Variants in WWOX observed in about 807,000 individuals in gnomAD.
The protein encoded by WWOX is WW domain-containing oxidoreductase.
WWOX carries 69 observed loss-of-function variants against 46.2 expected under a neutral mutation model. That is an observed-to-expected ratio of 1.49 (90% confidence interval 1.23 to 1.82). WWOX has a LOEUF of 1.82. Among genes scored for constraint, WWOX ranks in the 40% most tolerant of loss-of-function variants. The pLI, the probability that WWOX is intolerant of heterozygous loss-of-function variation, is 0.00. For missense variants in WWOX, 919 were observed against 542.6 expected, an observed-to-expected ratio of 1.69 and a Z score of -6.89; for synonymous variants, 359 against 202.6, an observed-to-expected ratio of 1.77 and a Z score of -6.56.
At chr16:78,384,508 C>A (rs922089138) in intron 5 of WWOX, among the ~76,000 whole-genome samples, 26 of 152,234 alleles carry the variant, frequency 1.7e-4, no homozygotes, top group African/African-American at 5.8e-4. Flanking sequence ...GAGGTACACA[C>A]CTTTCACGGG....
At chr16:79,005,742 A>G (rs1051300148) in intron 8 of WWOX, among the ~76,000 whole-genome samples, 4 of 152,200 alleles carry the variant, frequency 2.6e-5, no homozygotes. Flanking sequence ...ACCTAAGTCC[A>G]TCTGCAAAGA....
intron 8 of WWOX, among the ~76,000 whole-genome samples, chr16:79,121,530 C>A (rs923215865): frequency 5.3e-5 from 8 of 152,130 alleles, no homozygotes; most frequent in African/African-American, 1.9e-4. Flanking sequence ...CATAGACACT[C>A]GTCTACTTGA....
At chr16:79,180,985 C>A (rs1360328975) in intron 8 of WWOX, among the ~76,000 whole-genome samples, 3 of 152,142 alleles carry the variant, frequency 2.0e-5, no homozygotes, top group Admixed American at 2.0e-4. Flanking sequence ...TATTGTATGT[C>A]TGATTTTTTA....
At chr16:79,034,878 A>C (rs1202553619) in intron 8 of WWOX, among the ~76,000 whole-genome samples, 1 of 152,202 alleles carries the variant, frequency 6.6e-6, no homozygotes, top group African/African-American at 2.4e-5. Flanking sequence ...TATTACTTTA[A>C]AAATAAAAGA....
intron 8 of WWOX, among the ~76,000 whole-genome samples, chr16:78,931,689 C>T (rs1472441413): frequency 6.6e-6 from 1 of 152,180 alleles, no homozygotes. Flanking sequence ...TACAGAGGGA[C>T]AAGTGTTTAG....
intron 8 of WWOX, among the ~76,000 whole-genome samples, chr16:78,850,059 C>T (rs1252885740): frequency 1.3e-5 from 2 of 150,282 alleles, no homozygotes; most frequent in Non-Finnish European, 2.9e-5. Context: ...GCAACAAGAG[C>T]GAAATTCCTT....
intron 5 of WWOX, among the ~76,000 whole-genome samples, chr16:78,202,547 C>G (rs561671145): frequency 6.6e-6 from 1 of 152,188 alleles, no homozygotes; most frequent in Non-Finnish European, 1.5e-5. Context: ...ATCTGTTTGT[C>G]AGATCAGTTT....
intron 6 of WWOX, among the ~76,000 whole-genome samples, chr16:78,419,791 T>C (rs557878392): frequency 3.9e-5 from 6 of 151,986 alleles, no homozygotes; most frequent in East Asian, 1.9e-4. Context: ...AAAAAAGATA[T>C]CCAGAATGAT....
intron 8 of WWOX, among the ~76,000 whole-genome samples, chr16:78,951,370 C>T (rs1203445028): frequency 6.6e-6 from 1 of 152,104 alleles, no homozygotes; most frequent in Non-Finnish European, 1.5e-5. Flanking sequence ...GGCTGACTCT[C>T]ATTGGCCCTC....
chr16:78,902,713 A>G (rs1181634814), intron 8 of WWOX, among the ~76,000 whole-genome samples: 1 of 152,362 alleles, frequency 6.6e-6, no homozygotes, highest in South Asian at 2.1e-4. Context: ...CTCAGGGAAA[A>G]AGGCCAGGTC....
intron 6 of WWOX, among the ~76,000 whole-genome samples, chr16:78,400,274 G>A (rs1157101109): frequency 6.6e-6 from 1 of 152,146 alleles, no homozygotes. Flanking sequence ...TATGCATAAG[G>A]TGACAAATTA....
chr16:79,098,140 C>T (rs1048545590), intron 8 of WWOX, among the ~76,000 whole-genome samples: 5 of 152,198 alleles, frequency 3.3e-5, no homozygotes, highest in Non-Finnish European at 5.9e-5. Context: ...TCAAACCTGT[C>T]TGCTCATCAG....
intron 5 of WWOX, among the ~76,000 whole-genome samples, chr16:78,200,043 A>T (rs1289548698): frequency 1.3e-5 from 2 of 152,222 alleles, no homozygotes; most frequent in African/African-American, 4.8e-5. Flanking sequence ...TTCTTTCAAA[A>T]GCTGTAGGAA....
chr16:78,402,546 C>T (rs1007446529), intron 6 of WWOX, among the ~76,000 whole-genome samples: 8 of 152,078 alleles, frequency 5.3e-5, no homozygotes, highest in South Asian at 2.1e-4. Flanking sequence ...TTCAGCACTT[C>T]CCCCAAGCTC....
At chr16:79,147,404 C>A (rs915427128) in intron 8 of WWOX, among the ~76,000 whole-genome samples, 1 of 152,212 alleles carries the variant, frequency 6.6e-6, no homozygotes, top group South Asian at 2.1e-4. Context: ...CGTGGAGATT[C>A]TTCCCAGTTG....
intron 8 of WWOX, among the ~76,000 whole-genome samples, chr16:78,882,911 C>G (rs2044373913): frequency 6.6e-6 from 1 of 151,770 alleles, no homozygotes; most frequent in African/African-American, 2.4e-5. Flanking sequence ...TGGAACAGAG[C>G]ATAGCCTGTC....
chr16:79,009,819 C>T (rs1597270983), intron 8 of WWOX, among the ~76,000 whole-genome samples: 1 of 152,108 alleles, frequency 6.6e-6, no homozygotes, highest in Non-Finnish European at 1.5e-5. Context: ...GAGGGGGACA[C>T]ACAAGACTGT....
intron 8 of WWOX, among the ~76,000 whole-genome samples, chr16:78,466,039 G>GTTT (rs112254752): frequency 6.1e-5 from 9 of 148,460 alleles, no homozygotes; most frequent in African/African-American, 2.0e-4. Context: ...TTGGTTTTTT[G>GTTT]TTTTTTTTTT....
At chr16:78,617,891 G>T (rs1597354893) in intron 8 of WWOX, among the ~76,000 whole-genome samples, 1 of 152,152 alleles carries the variant, frequency 6.6e-6, no homozygotes, top group African/African-American at 2.4e-5. Context: ...TCTTTGCCTA[G>T]CATCTTTTCA....
Sources: gnomAD v4.1 joint callset for allele counts (sites outside exome capture counted in the v4.1 genomes callset) on GRCh38, gnomAD v4.1.1 for gene constraint, MANE v1.5 for transcripts, NCBI Gene and HGNC (gene_info 2026-07-23, HGNC 2026-07-21) for gene names.